NLRP1: variants seen among roughly 807,000 people sequenced by gnomAD.
NLRP1 encodes the protein NACHT, LRR and PYD domains-containing protein 1.
NLRP1 carries 94 observed loss-of-function variants against 136.7 expected under a neutral mutation model. The observed-to-expected ratio is 0.69, with a 90% CI of 0.58 to 0.82. NLRP1 has a LOEUF of 0.82. Among genes scored for constraint, NLRP1 ranks in the 40% least tolerant of loss-of-function variants. The probability of loss-of-function intolerance (pLI) is 0.00; values close to 1 mark genes in which losing one functional copy is unlikely to be tolerated. For synonymous variants in NLRP1, 690 were observed against 725.1 expected (o/e 0.95, Z 0.78); for missense variants, 1,575 against 1,802.7 (o/e 0.87, Z 2.29).
intron 11 of NLRP1, 94 bp downstream of exon 11, chr17:5,532,728 G>A: frequency 8.8e-7 from 1 of 1,132,386 alleles, no homozygotes; most frequent in Non-Finnish European, 1.2e-6. Context: ...GTGTGAGTTG[G>A]GGGTAGGGGG....
At position 5,520,888 on chromosome 17, in the gene NLRP1, A is replaced by T; in HGVS notation, c.3908T>A (p.Leu1303His). ...SGSGSGMLEI[L>H]PKELELCYRS... Reference sequence around the variant, plus strand: ...AGACACTGGGCTGCTCACCTTGGGGAGTATTTCCAGCATCCCTGAACCAGA... The same window carrying T: ...AGACACTGGGCTGCTCACCTTGGGGTGTATTTCCAGCATCCCTGAACCAGA... Residue 1303 changes from leucine (L) to histidine (H), a missense_variant, in exon 14 of 17, where the codon CTC (leucine) becomes CAC (histidine). By Grantham distance (99) the Leu-to-His change is moderately conservative (BLOSUM62 -3). Coordinates refer to ENST00000572272, the MANE Select transcript of NLRP1 (RefSeq NM_033004.4). 1 of 1,600,744 alleles carries T rather than the reference A, an allele frequency of 6.2e-7. No homozygotes were observed. The highest frequency in any genetic ancestry group is 8.5e-7 in the Non-Finnish European group (1 of 1,172,230).
intron 3 of NLRP1, among the ~76,000 whole-genome samples, chr17:5,560,513 G>A (rs987926823): frequency 3.3e-5 from 5 of 152,212 alleles, no homozygotes; most frequent in Admixed American, 2.6e-4. Flanking sequence ...ACCTGCCAAT[G>A]GTGTCCCTCG....
chr17:5,584,135 T>C lies in NLRP1; in HGVS notation c.-178A>G. On this transcript the variant is annotated 5_prime_UTR_variant, in exon 1 of 17. Transcript: ENST00000572272. ...ATAGACGCCGATAGAGGGGGAGTGGTAGGAAAAGCCAGGGGAGGGAGGAGC... is the reference window on the plus strand; with the variant it reads ...ATAGACGCCGATAGAGGGGGAGTGGCAGGAAAAGCCAGGGGAGGGAGGAGC... The C allele has an allele frequency of 3.1e-6, 2 of 643,886 alleles. No individual in the cohort carries two copies. The highest frequency in any genetic ancestry group is 2.6e-6 in the Non-Finnish European group (1 of 380,168). The allele number at this position is 643,886 out of a possible 1,614,324, so 39.9% of individuals were successfully genotyped here. A position where few individuals can be genotyped will look rare whatever the true frequency, so the allele number is the denominator to read the frequency against.
At position 5,514,578 on chromosome 17, in the gene NLRP1, C is replaced by T; in HGVS notation, c.*176G>A. On this transcript the variant is annotated 3_prime_UTR_variant, in exon 17 of 17. Transcript: ENST00000572272. ...CTGTTAGGCCACCTGGACTGGGGCC[C>T]CCTGTGGCATCCCTGGCATGGACAC... The T allele has an allele frequency of 6.9e-7, 1 of 1,441,708 alleles. No individual in the cohort carries two copies. Among genetic ancestry groups the T allele is most frequent in the South Asian group, 1.5e-5 (1 of 66,866 alleles). The allele number at this position is 1,441,708 out of a possible 1,614,324, so 89.3% of individuals were successfully genotyped here.
At chr17:5,533,214 AAG>A in intron 10 of NLRP1, 88 bp downstream of exon 10, 2 of 1,539,300 alleles carry the variant, frequency 1.3e-6, no homozygotes, top group Admixed American at 4.0e-5. Flanking sequence ...ACTGGAATAG[AAG>A]TGCCACTCTC....
chr17:5,518,233 T>C (rs11870188), intron 14 of NLRP1: 13,636 of 197,034 alleles, frequency 0.069, 1,140 homozygotes, highest in East Asian at 0.21. Flanking sequence ...CCACTGTCGA[T>C]TGACAAAAAT....
intron 3 of NLRP1, among the ~76,000 whole-genome samples, chr17:5,566,330 T>A (rs552138228): frequency 1.3e-5 from 2 of 152,130 alleles, no homozygotes; most frequent in Admixed American, 1.3e-4. Flanking sequence ...TCTTAATATA[T>A]CCCATAGGTT....
intron 7 of NLRP1, among the ~76,000 whole-genome samples, chr17:5,538,862 TTTTTA>T (rs1274312577): frequency 5.9e-5 from 9 of 151,792 alleles, no homozygotes; most frequent in African/African-American, 1.4e-4. Flanking sequence ...ACTGTCCTTG[TTTTTA>T]TTTTATTTGT....
At chr17:5,566,815 A>C (rs2151813136) in intron 3 of NLRP1, among the ~76,000 whole-genome samples, 1 of 152,224 alleles carries the variant, frequency 6.6e-6, no homozygotes, top group Non-Finnish European at 1.5e-5. Flanking sequence ...TAGCTCTAAT[A>C]ATATTTCCTT....
chr17:5,510,070 C>CTTT (rs749349135), downstream of NLRP1, among the ~76,000 whole-genome samples: 125 of 148,582 alleles, frequency 8.4e-4, 3 homozygotes, highest in Middle Eastern at 3.4e-3. Flanking sequence ...TATTCTTCTT[C>CTTT]TTCTTTTTTT....
chr17:5,519,802 G>A (rs1227922813), intron 14 of NLRP1, among the ~76,000 whole-genome samples: 4 of 144,084 alleles, frequency 2.8e-5, no homozygotes, highest in East Asian at 2.1e-4. Flanking sequence ...CTTATCATTC[G>A]TTCTCACCCA....
At position 5,559,567 on chromosome 17, in the gene NLRP1, C is replaced by A; in HGVS notation, c.1129G>T (p.Val377Leu). Reference protein sequence around the residue: ...FSCRELAQSKVVSLAELIGKD... With the variant: ...FSCRELAQSKLVSLAELIGKD... ...CCGATGAGCTCAGCGAGACTCACCA[C>A]CTTGGACTGGGCCAGCTCTCTGCAG... Residue 377 changes from valine (V) to leucine (L), a missense_variant, in exon 4 of 17, where the codon GTG becomes TTG. Transcript: ENST00000572272. 6.2e-7 allele frequency: 1 copy of A among 1,614,226 alleles called. No homozygotes were observed.
chr17:5,536,628 C>T (rs964069958), intron 8 of NLRP1, among the ~76,000 whole-genome samples: 2 of 151,858 alleles, frequency 1.3e-5, no homozygotes, highest in African/African-American at 4.8e-5. Context: ...TTTTTTAGCC[C>T]ACTTACTTTT....
intron 3 of NLRP1, among the ~76,000 whole-genome samples, chr17:5,562,828 C>T (rs539697051): frequency 2.6e-4 from 40 of 152,360 alleles, no homozygotes; most frequent in African/African-American, 9.4e-4. Flanking sequence ...CCTGCTGGCA[C>T]TGCCACAAGG....
rs1905712701 is a variant in NLRP1 at position 5,581,995 on chromosome 17, C to T, written c.516G>A (p.Glu172=). 2 of 1,613,628 alleles carry T rather than the reference C, an allele frequency of 1.2e-6. No homozygotes were observed. The highest frequency in any genetic ancestry group is 1.7e-6 in the Non-Finnish European group (2 of 1,179,882). ...SSPDHESPSQ[E]SPNAPTSTAV... is the part of the protein sequence containing the mutation. ...CTGTGGATGTGGGGGCGTTGGGTGA[C>T]TCCTGGCTTGGAGACTCATGGTCTG... Residue 172 remains glutamate (E), a synonymous_variant, in exon 3 of 17, where the codon GAG becomes GAA. Coordinates refer to ENST00000572272, the MANE Select transcript of NLRP1 (RefSeq NM_033004.4).
chr17:5,553,652 G>C (rs1441048674), intron 4 of NLRP1, 96 bp from the exon 5 acceptor site: 1 of 1,144,030 alleles, frequency 8.7e-7, no homozygotes, highest in Non-Finnish European at 1.3e-6. Flanking sequence ...TTGTCCCCCT[G>C]AGCACCAGGC....
intron 3 of NLRP1, among the ~76,000 whole-genome samples, chr17:5,560,252 A>G (rs1429770014): frequency 6.6e-6 from 1 of 152,158 alleles, no homozygotes; most frequent in Non-Finnish European, 1.5e-5. Context: ...CACTCCCTGA[A>G]TGACTTTCCT....
At chr17:5,565,174 A>G (rs1025868715) in intron 3 of NLRP1, among the ~76,000 whole-genome samples, 1 of 152,150 alleles carries the variant, frequency 6.6e-6, no homozygotes, top group African/African-American at 2.4e-5. Context: ...TTTTGGATAA[A>G]AGCCATTTTA....
intron 12 of NLRP1, among the ~76,000 whole-genome samples, chr17:5,528,949 C>A (rs1204031733): frequency 1.3e-5 from 2 of 152,190 alleles, no homozygotes; most frequent in Non-Finnish European, 2.9e-5. Flanking sequence ...TTTATCAAAT[C>A]ATTTTATCAG....
Sources: allele counts gnomAD v4.1 joint callset (sites outside exome capture counted in the v4.1 genomes callset), GRCh38; gene constraint gnomAD v4.1.1; transcripts MANE v1.5; gene names NCBI Gene and HGNC (gene_info 2026-07-23, HGNC 2026-07-21).